Variants in SNTA1 observed in about 807,000 individuals in gnomAD.
SNTA1 encodes alpha-1-syntrophin.
In SNTA1, 31 loss-of-function variants were observed where a neutral mutation model predicts 47.1. The ratio of observed to expected loss-of-function variants is 0.66; its 90% CI spans 0.49 to 0.89. SNTA1 has a LOEUF of 0.89. Ranked by LOEUF, SNTA1 falls within the 40% of genes least tolerant of loss-of-function variation. The pLI is 0.00. For synonymous variants in SNTA1, 300 were observed against 313.6 expected (o/e 0.96, Z 0.46); for missense variants, 575 against 693.0 (o/e 0.83, Z 1.91).
chr20:33,413,204 A>G (rs914524046), intron 3 of SNTA1, among the ~76,000 whole-genome samples: 1 of 152,100 alleles, frequency 6.6e-6, no homozygotes, highest in Non-Finnish European at 1.5e-5. Context: ...CATGTTGGCC[A>G]GGATGGTCTC....
intron 2 of SNTA1, among the ~76,000 whole-genome samples, chr20:33,426,970 G>A (rs1440668078): frequency 3.3e-5 from 5 of 151,572 alleles, no homozygotes; most frequent in African/African-American, 1.2e-4. Context: ...GGCTGAGGTG[G>A]GAGGATCACT....
chr20:33,412,688 C>A lies in SNTA1; in HGVS notation c.796G>T (p.Ala266Ser). 6.2e-7 allele frequency: 1 copy of A among 1,613,890 alleles called. No homozygotes were observed. The highest frequency in any genetic ancestry group is 8.5e-7 in the Non-Finnish European group (1 of 1,180,016). The change falls in exon 4 of 8, where the codon GCC (alanine) becomes TCC (serine). Residue 266 changes from alanine to serine, a missense_variant. Ala to Ser is a moderately conservative substitution (Grantham distance 99). Coordinates refer to ENST00000217381, the MANE Select transcript of SNTA1 (RefSeq NM_003098.3). ...SARSWATAIQ[A>S]QVNTLTPRVK... ...CGCGGCGTCAGAGTATTGACCTGGG[C>A]TTGGATGGCAGTCGCCCACGACCTC...
At chr20:33,421,745 C>A (rs929501996) in intron 2 of SNTA1, among the ~76,000 whole-genome samples, 3 of 151,382 alleles carry the variant, frequency 2.0e-5, no homozygotes, top group South Asian at 4.2e-4. Flanking sequence ...TGCTTGAGCC[C>A]AGGAGTTCAA....
rs1178809115 is a variant in SNTA1, at chr20:33,438,983, G to A, written c.354C>T (p.Phe118=). The A allele has an allele frequency of 6.8e-6, 11 of 1,614,206 alleles. No individual in the cohort carries two copies. Among genetic ancestry groups the A allele is most frequent in the Middle Eastern group, 3.3e-4 (2 of 6,062 alleles). ...NKMPILISKI[F]KGLAADQTEA... The stretch of plus-strand genomic sequence containing the variant: ...CTGTCTGGTCAGCTGCCAATCCCTT[G>A]AAGATCTTGGAAATGAGAATAGGCA... Residue 118 remains phenylalanine, a synonymous_variant, in exon 2 of 8, where the codon TTC becomes TTT. Transcript: ENST00000217381.
Position 33,443,366 on chromosome 20 carries a change from C to T in SNTA1, c.255G>A (p.Arg85=). ...CGGCCTTGCGCACCGTCACGCGGCG[C>T]CGCTGGAGCAGTAGCGCCTCTGGCA... The part of the protein sequence containing the change: ...PQLPEALLLQ[R]RRVTVRKADA... Residue 85 remains arginine (R), a synonymous_variant, in exon 1 of 8, where the codon CGG becomes CGA. Coordinates refer to ENST00000217381, the MANE Select transcript of SNTA1 (RefSeq NM_003098.3). 1 of 1,456,194 alleles carries T rather than the reference C, an allele frequency of 6.9e-7. No individual in the cohort carries two copies. The highest frequency in any genetic ancestry group is 9.0e-7 in the Non-Finnish European group (1 of 1,107,188). 90.2% of individuals were successfully genotyped at this position (1,456,194 alleles called of 1,614,324 possible).
intron 1 of SNTA1, among the ~76,000 whole-genome samples, chr20:33,442,378 A>T (rs1236868661): frequency 6.6e-6 from 1 of 152,106 alleles, no homozygotes; most frequent in Non-Finnish European, 1.5e-5. Flanking sequence ...GGGGGCTGGG[A>T]CCCTGAGAAA....
At chr20:33,435,999 C>T (rs1990432141) in intron 2 of SNTA1, among the ~76,000 whole-genome samples, 1 of 152,002 alleles carries the variant, frequency 6.6e-6, no homozygotes, top group African/African-American at 2.4e-5. Context: ...TCGAGACCAT[C>T]CTGGCTAACA....
intron 2 of SNTA1, among the ~76,000 whole-genome samples, chr20:33,433,180 T>G (rs1990352432): frequency 6.6e-6 from 1 of 152,108 alleles, no homozygotes; most frequent in Admixed American, 6.6e-5. Flanking sequence ...TCCACCCACC[T>G]CAGCCTCCCA....
At chr20:33,420,009 T>C (rs1989981064) in intron 2 of SNTA1, among the ~76,000 whole-genome samples, 1 of 152,060 alleles carries the variant, frequency 6.6e-6, no homozygotes, top group Admixed American at 6.6e-5. Flanking sequence ...CTGCAACCTC[T>C]GCCTCCCGGG....
chr20:33,430,226 T>C (rs1990268763), intron 2 of SNTA1, among the ~76,000 whole-genome samples: 1 of 152,028 alleles, frequency 6.6e-6, no homozygotes, highest in African/African-American at 2.4e-5. Flanking sequence ...CTTCACCTTA[T>C]TTCACCAATT....
intron 1 of SNTA1, among the ~76,000 whole-genome samples, chr20:33,442,069 A>G (rs185543794): frequency 1.1e-4 from 16 of 152,276 alleles, no homozygotes; most frequent in South Asian, 6.2e-4. Flanking sequence ...GACACTCACT[A>G]TGTAATCGTG....
rs34901081 is a variant in SNTA1 at position 33,408,537 on chromosome 20, G to T, written c.1488C>A (p.Ala496=). ...IVFIIHSFLS[A]KVTRLGLLA is the part of the protein sequence containing the mutation. ...CCAACAGCCCGAGGCGGGTGACTTT[G>T]GCCGACAGGAAGGAGTGGATGATGA... Residue 496 remains alanine, a synonymous_variant, in exon 8 of 8, where the codon GCC becomes GCA. Transcript: ENST00000217381. 1.6e-4 allele frequency: 256 copies of T among 1,614,088 alleles called. No homozygotes were observed. In the African/African-American group the frequency reaches 3.2e-3, roughly 20 times the overall value.
intron 2 of SNTA1, among the ~76,000 whole-genome samples, chr20:33,432,684 G>A (rs1205563480): frequency 6.6e-6 from 1 of 152,124 alleles, no homozygotes; most frequent in Non-Finnish European, 1.5e-5. Context: ...ACAACACAGG[G>A]AGACCCTGTT....
chr20:33,417,760 T>C lies in SNTA1; in HGVS notation c.660A>G (p.Ala220=), dbSNP rs111931358. ...SEAKHMSLKM[A]YVSKRCTPND... is the part of the protein sequence containing the mutation. ...TGGGGGTGCACCTCTTCGAGACATA[T>C]GCCATCTTCAAGGACATGTGTTTGG... Residue 220 remains alanine, a synonymous_variant, in exon 3 of 8, where the codon GCA becomes GCG. Transcript: ENST00000217381. The C allele has an allele frequency of 6.2e-7, 1 of 1,614,146 alleles. No individual in the cohort carries two copies. The highest frequency in any genetic ancestry group is 8.5e-7 in the Non-Finnish European group (1 of 1,180,022).
rs1990629920 is a variant in SNTA1, at chr20:33,443,419, C to A, written c.202G>T (p.Ala68Ser). 5 of 1,340,360 alleles carry A rather than the reference C, an allele frequency of 3.7e-6. No homozygotes were observed. In the South Asian group the frequency reaches 7.4e-5, roughly 20 times the overall value. 83.0% of individuals were successfully genotyped at this position (1,340,360 alleles called of 1,614,324 possible). ...TGCGGGGGCCCGGCGCCCGGCTCCGCGGCGCCGTTGAGCTGCGCGGGCTCC... is the reference window on the plus strand; with the variant it reads ...TGCGGGGGCCCGGCGCCCGGCTCCGAGGCGCCGTTGAGCTGCGCGGGCTCC... Reference protein sequence around the residue: ...EQEPAQLNGAAEPGAGPPQLP... With the variant: ...EQEPAQLNGASEPGAGPPQLP... The change falls in exon 1 of 8, where the codon GCG (alanine) becomes TCG (serine). Residue 68 changes from alanine (A) to serine (S), a missense_variant. Ala to Ser is a moderately conservative substitution (Grantham distance 99). Coordinates refer to ENST00000217381, the MANE Select transcript of SNTA1 (RefSeq NM_003098.3).
At chr20:33,434,982 C>CT (rs11475592) in intron 2 of SNTA1, among the ~76,000 whole-genome samples, 1,161 of 55,226 alleles carry the variant, frequency 0.021, 150 homozygotes, top group African/African-American at 0.066. Flanking sequence ...CAGGCACCAG[C>CT]TTTTTTTTTT....
chr20:33,432,626 A>G (rs1341649429), intron 2 of SNTA1, among the ~76,000 whole-genome samples: 1 of 152,208 alleles, frequency 6.6e-6, no homozygotes, highest in Non-Finnish European at 1.5e-5. Flanking sequence ...CTGTAACCCC[A>G]GCACTTTGGG....
intron 3 of SNTA1, 114 bp downstream of exon 3, chr20:33,417,605 T>G: frequency 2.6e-6 from 2 of 774,224 alleles, no homozygotes; most frequent in Non-Finnish European, 2.3e-6. Flanking sequence ...AAGCACCTAC[T>G]ATGTCCTGGC....
rs1489981173 is a variant in SNTA1 at position 33,412,658 on chromosome 20, T to C, written c.826A>G (p.Lys276Glu). ...GCCAACAGTGCCTGCAGCTCATCCT[T>C]GACCCGCGGCGTCAGAGTATTGACC... ...AQVNTLTPRVKDELQALLAAT... is the reference protein window; with the variant it reads ...AQVNTLTPRVEDELQALLAAT... The change falls in exon 4 of 8, where the codon AAG (lysine) becomes GAG (glutamate). Residue 276 changes from lysine (K) to glutamate (E), a missense_variant. Coordinates refer to ENST00000217381, the MANE Select transcript of SNTA1 (RefSeq NM_003098.3). The C allele has an allele frequency of 6.2e-7, 1 of 1,613,844 alleles. No homozygotes were observed. Among genetic ancestry groups the C allele is most frequent in the African/African-American group, 1.3e-5 (1 of 74,920 alleles).
Sources: allele counts gnomAD v4.1 joint callset (sites outside exome capture counted in the v4.1 genomes callset), GRCh38; gene constraint gnomAD v4.1.1; transcripts MANE v1.5; gene names NCBI Gene and HGNC (gene_info 2026-07-23, HGNC 2026-07-21).